The following ANP32A variants were observed in gnomAD, a reference collection of about 807,000 sequenced individuals.
ANP32A encodes acidic nuclear phosphoprotein 32 family member A.
ANP32A carries 1 observed loss-of-function variant against 33.9 expected under a neutral mutation model. The observed-to-expected ratio is 0.03, with a 90% CI of 0.01 to 0.14. The LOEUF (loss-of-function observed/expected upper bound fraction) is 0.14. ANP32A is among the 10% of genes least tolerant of loss of function. ANP32A has a pLI of 1.00. For synonymous variants in ANP32A, 115 were observed against 120.5 expected, an observed-to-expected ratio of 0.95 and a Z score of 0.30; for missense variants, 155 against 306.0, an observed-to-expected ratio of 0.51 and a Z score of 3.68.
chr15:68,809,623 C>T (rs1033853761), intron 1 of ANP32A, among the ~76,000 whole-genome samples: 1 of 152,260 alleles, frequency 6.6e-6, no homozygotes, highest in South Asian at 2.1e-4. Context: ...AACATGATGA[C>T]CAGCGACCTA....
At chr15:68,812,959 C>T (rs746254310) in intron 1 of ANP32A, 1 of 152,180 alleles carries the variant, frequency 6.6e-6, no homozygotes, top group Admixed American at 6.5e-5. Flanking sequence ...ATAGCAAAGC[C>T]GAGAAGAGCA....
intron 1 of ANP32A, chr15:68,801,755 C>G (rs1894139529): frequency 6.5e-6 from 1 of 154,674 alleles, no homozygotes; most frequent in Admixed American, 6.5e-5. Context: ...AGCACTTTGC[C>G]AGAATGCTCC....
rs774050405 is a variant in ANP32A at position 68,787,506 on chromosome 15, C to T, written c.234G>A (p.Gly78=). The T allele has an allele frequency of 7.4e-6, 12 of 1,614,026 alleles. No homozygotes were observed. Among genetic ancestry groups the T allele is most frequent in the Non-Finnish European group, 9.3e-6 (11 of 1,180,044 alleles). Residue 78 remains glycine (G), a synonymous_variant, in exon 3 of 7, where the codon GGG becomes GGA. Transcript: ENST00000465139. ...ACTTTTCTGCCAATACTTCCAGGCC[C>T]CCTGAGACTCTGTTATCGCTTAGTT... ...KLELSDNRVS[G]GLEVLAEKCP...
At chr15:68,814,018 C>T (rs569156922) in intron 1 of ANP32A, among the ~76,000 whole-genome samples, 3 of 152,102 alleles carry the variant, frequency 2.0e-5, no homozygotes, top group East Asian at 3.9e-4. Context: ...CACAGGCACC[C>T]GCCACCATGC....
intron 1 of ANP32A, among the ~76,000 whole-genome samples, chr15:68,796,630 C>G (rs1225046332): frequency 1.3e-5 from 2 of 152,204 alleles, no homozygotes; most frequent in Admixed American, 6.5e-5. Context: ...AGAGTCCCAG[C>G]AGGTGGTGTG....
At position 68,779,418 on chromosome 15, in the gene ANP32A, C is replaced by G. The variant is rs560016531; in HGVS notation, c.*663G>C. On this transcript the variant is annotated 3_prime_UTR_variant, in exon 7 of 7. Transcript: ENST00000465139. ...TTTCCTTGTAACTTAACACAACAAG[C>G]CTGCGGTTTTCAGCTCTCTGGCTCA... 6.6e-6 allele frequency: 1 copy of G among 152,220 alleles called. No homozygotes were observed. Among genetic ancestry groups the G allele is most frequent in the South Asian group, 2.1e-4 (1 of 4,820 alleles). 9.4% of individuals were successfully genotyped at this position (152,220 alleles called of 1,614,324 possible). A position where few individuals can be genotyped will look rare whatever the true frequency, so the allele number is the denominator to read the frequency against.
intron 1 of ANP32A, chr15:68,817,357 T>TC (rs1894396918): frequency 6.6e-6 from 1 of 152,242 alleles, no homozygotes; most frequent in Admixed American, 6.5e-5. Flanking sequence ...CGCTGCAACA[T>TC]CCACCTGAAA....
intron 1 of ANP32A, among the ~76,000 whole-genome samples, chr15:68,819,159 G>A (rs1011810261): frequency 2.6e-5 from 4 of 152,154 alleles, no homozygotes; most frequent in Non-Finnish European, 5.9e-5. Flanking sequence ...GGGCTAGAGG[G>A]GCGACAGGCC....
At chr15:68,800,671 G>A (rs554512907) in intron 1 of ANP32A, among the ~76,000 whole-genome samples, 3 of 130,500 alleles carry the variant, frequency 2.3e-5, no homozygotes, top group Non-Finnish European at 4.7e-5. Context: ...GTGAACCAGG[G>A]AGGCGGAGCT....
In ANP32A at chr15:68,820,763, T is replaced by G. The variant is rs747530650; in HGVS notation, c.-12A>C. ...CTGCCCATCTCCATCTCTCGCGCTC[T>G]CTCTCTGCAGAGGCTCCCGCGCCGG... On this transcript the variant is annotated 5_prime_UTR_variant, in exon 1 of 7. Transcript: ENST00000465139. 1.2e-6 allele frequency: 2 copies of G among 1,613,870 alleles called. No individual in the cohort carries two copies. The highest frequency in any genetic ancestry group is 8.5e-7 in the Non-Finnish European group (1 of 1,179,956).
At chr15:68,787,367 TC>T in intron 3 of ANP32A, 45 bp downstream of exon 3, 2 of 1,613,328 alleles carry the variant, frequency 1.2e-6, no homozygotes, top group Non-Finnish European at 1.7e-6. Context: ...TGCCAATTCC[TC>T]CCACCTCCTA....
chr15:68,818,498 C>T (rs1894421148), intron 1 of ANP32A, among the ~76,000 whole-genome samples: 1 of 151,908 alleles, frequency 6.6e-6, no homozygotes, highest in Admixed American at 6.5e-5. Context: ...CCCCCTCCTC[C>T]GCCACCCGCG....
rs890785641 is a variant in ANP32A at position 68,779,951 on chromosome 15, C to G, written c.*130G>C. On this transcript the variant is annotated 3_prime_UTR_variant, in exon 7 of 7. Transcript: ENST00000465139. ...AACCCCCAGTACACTCTTCCCCTCT[C>G]GTTCCCACAGCAACGTTACAATCAG... 3 of 643,938 alleles carry G rather than the reference C, an allele frequency of 4.7e-6. No homozygotes were observed. The highest frequency in any genetic ancestry group is 1.9e-5 in the African/African-American group (1 of 52,906). The allele number at this position is 643,938 out of a possible 1,614,324, so 39.9% of individuals were successfully genotyped here. A position where few individuals can be genotyped will look rare whatever the true frequency, so the allele number is the denominator to read the frequency against.
chr15:68,786,249 CTGCTTTT>C (rs1449658286), intron 3 of ANP32A, among the ~76,000 whole-genome samples: 7 of 142,496 alleles, frequency 4.9e-5, no homozygotes, highest in African/African-American at 1.6e-4. Flanking sequence ...GCTGCTGCTG[CTGCTTTT>C]TTTTTTTTTT....
Position 68,778,655 on chromosome 15 carries a change from AT to A in ANP32A, c.*1425del. ...AAGGTTCCAAGGTTGGCCCAACTTG[AT>A]TGTTTGGGTACTTGTTTTTTTAGTA... On this transcript the variant is annotated 3_prime_UTR_variant, in exon 7 of 7. Coordinates refer to ENST00000465139, the MANE Select transcript of ANP32A (RefSeq NM_006305.4). 6.6e-6 allele frequency: 1 copy of A among 152,318 alleles called. No homozygotes were observed. Among genetic ancestry groups the A allele is most frequent in the Non-Finnish European group, 1.5e-5 (1 of 68,020 alleles). 9.4% of individuals were successfully genotyped at this position (152,318 alleles called of 1,614,324 possible).
intron 1 of ANP32A, among the ~76,000 whole-genome samples, chr15:68,793,466 C>A (rs775881337): frequency 1.3e-5 from 2 of 152,172 alleles, no homozygotes; most frequent in African/African-American, 4.8e-5. Context: ...ACATGGGGCA[C>A]ACCTGCGACA....
intron 1 of ANP32A, among the ~76,000 whole-genome samples, chr15:68,814,010 C>G (rs1220095622): frequency 6.6e-6 from 1 of 152,006 alleles, no homozygotes; most frequent in African/African-American, 2.4e-5. Context: ...GCTGGGACCA[C>G]AGGCACCCGC....
rs928417933 is a variant in ANP32A at position 68,778,773 on chromosome 15, A to G, written c.*1308T>C. On this transcript the variant is annotated 3_prime_UTR_variant, in exon 7 of 7. Transcript: ENST00000465139. ...AAATATCCAAACATAGTATCACATTATATATATCTCATAAGAAAAGCTATT... is the reference window on the plus strand; with the variant it reads ...AAATATCCAAACATAGTATCACATTGTATATATCTCATAAGAAAAGCTATT... The G allele has an allele frequency of 2.6e-5, 4 of 152,154 alleles. No homozygotes were observed. The highest frequency in any genetic ancestry group is 9.7e-5 in the African/African-American group (4 of 41,428). The allele number at this position is 152,154 out of a possible 1,614,324, so 9.4% of individuals were successfully genotyped here.
intron 3 of ANP32A, among the ~76,000 whole-genome samples, chr15:68,785,994 A>G (rs929635730): frequency 3.3e-5 from 5 of 152,210 alleles, no homozygotes; most frequent in African/African-American, 1.2e-4. Flanking sequence ...AGTTGGCCCC[A>G]ATGCCATCGA....
Sources: gnomAD v4.1 joint callset for allele counts (sites outside exome capture counted in the v4.1 genomes callset) on GRCh38, gnomAD v4.1.1 for gene constraint, MANE v1.5 for transcripts, NCBI Gene and HGNC (gene_info 2026-07-23, HGNC 2026-07-21) for gene names.